CORIN: variants seen among roughly 807,000 people sequenced by gnomAD.
CORIN encodes corin, serine peptidase.
A neutral mutation model predicts 125.3 loss-of-function variants in CORIN; 117 were observed. The ratio of observed to expected loss-of-function variants is 0.93; its 90% confidence interval spans 0.80 to 1.09. The LOEUF is 1.09. Among genes scored for constraint, CORIN ranks in the 50% least tolerant of loss-of-function variants. The pLI, the probability that CORIN is intolerant of heterozygous loss-of-function variation, is 0.00. For synonymous variants in CORIN, 450 were observed against 466.4 expected (o/e 0.96, Z 0.45); for missense variants, 1,253 against 1,306.7 (o/e 0.96, Z 0.63).
chr4:47,742,896 A>G (rs1046501114), intron 5 of CORIN, among the ~76,000 whole-genome samples: 6 of 152,258 alleles, frequency 3.9e-5, no homozygotes, highest in African/African-American at 1.2e-4. Context: ...TCTTAATTCT[A>G]TTCTGTCAAT....
At chr4:47,670,755 G>A (rs1465958923) in intron 10 of CORIN, among the ~76,000 whole-genome samples, 2 of 152,154 alleles carry the variant, frequency 1.3e-5, no homozygotes, top group Non-Finnish European at 2.9e-5. Flanking sequence ...CCACAAGGGA[G>A]AAGTGATGGA....
intron 5 of CORIN, among the ~76,000 whole-genome samples, chr4:47,743,803 C>T (rs1454168014): frequency 1.3e-5 from 2 of 151,812 alleles, no homozygotes; most frequent in South Asian, 2.1e-4. Flanking sequence ...GAGAATTGCT[C>T]GAACCCGAAA....
rs779914032 is a variant in CORIN, at chr4:47,786,819, C to G, written c.315G>C (p.Gln105His). The G allele has an allele frequency of 5.6e-6, 9 of 1,613,880 alleles. No individual in the cohort carries two copies. Among genetic ancestry groups the G allele is most frequent in the Admixed American group, 5.0e-5 (3 of 59,996 alleles). The change falls in exon 3 of 22, where the codon CAG (glutamine) becomes CAC (histidine). Residue 105 changes from glutamine to histidine, a missense_variant. Coordinates refer to ENST00000273857, the MANE Select transcript of CORIN (RefSeq NM_006587.4). The stretch of plus-strand genomic sequence containing the variant: ...GATGTGCAGTAGACACCACAGTGCT[C>G]TGGTTATAAATTGTATTTGTAAGAA... ...DVILTNTIYN[Q>H]STVVSTAHPD... is the part of the protein sequence containing the mutation.
chr4:47,665,386 T>C, intron 10 of CORIN, 123 bp from the exon 11 acceptor site: 1 of 675,956 alleles, frequency 1.5e-6, no homozygotes, highest in Non-Finnish European at 2.5e-6. Flanking sequence ...AGAATGCCAG[T>C]AGTATATAAC....
chr4:47,791,526 C>T (rs62299253), intron 2 of CORIN, among the ~76,000 whole-genome samples: 13,363 of 152,210 alleles, frequency 0.088, 735 homozygotes, highest in East Asian at 0.27. Flanking sequence ...TAGGCATCAA[C>T]TGAGTTAACC....
At chr4:47,721,558 T>C (rs1369386768) in intron 5 of CORIN, among the ~76,000 whole-genome samples, 4 of 152,182 alleles carry the variant, frequency 2.6e-5, no homozygotes, top group Non-Finnish European at 4.4e-5. Flanking sequence ...CGTGAGCCAC[T>C]GCACCCAGCC....
intron 16 of CORIN, among the ~76,000 whole-genome samples, chr4:47,627,664 A>C (rs530370260): frequency 1.3e-5 from 2 of 152,286 alleles, no homozygotes; most frequent in Non-Finnish European, 2.9e-5. Flanking sequence ...GCAGAGGCAA[A>C]GTGAGATGGA....
At chr4:47,803,616 T>G (rs1296311920) in intron 2 of CORIN, among the ~76,000 whole-genome samples, 1 of 152,220 alleles carries the variant, frequency 6.6e-6, no homozygotes, top group Admixed American at 6.5e-5. Flanking sequence ...AAGAACAGTC[T>G]CTTCAATAAA....
intron 5 of CORIN, among the ~76,000 whole-genome samples, chr4:47,713,176 G>C (rs1325552003): frequency 1.3e-5 from 2 of 152,172 alleles, no homozygotes; most frequent in Non-Finnish European, 2.9e-5. Flanking sequence ...TAGGTGTGGA[G>C]AAAAATCTGC....
intron 13 of CORIN, among the ~76,000 whole-genome samples, chr4:47,646,757 A>G (rs1723505600): frequency 6.6e-6 from 1 of 152,224 alleles, no homozygotes; most frequent in Admixed American, 6.5e-5. Context: ...CTCTCAGGAA[A>G]ATATAATTTA....
At chr4:47,835,631 G>A (rs1400758527) in intron 1 of CORIN, among the ~76,000 whole-genome samples, 4 of 152,220 alleles carry the variant, frequency 2.6e-5, no homozygotes, top group African/African-American at 9.6e-5. Flanking sequence ...GCCCCCAACA[G>A]TGGGGGAGGT....
intron 2 of CORIN, among the ~76,000 whole-genome samples, chr4:47,794,061 CAGAA>C (rs1731189893): frequency 6.6e-6 from 1 of 152,104 alleles, no homozygotes; most frequent in African/African-American, 2.4e-5. Context: ...GAATCTGCAA[CAGAA>C]AGCCAGATTT....
rs1252479545 is a variant in CORIN at position 47,725,403 on chromosome 4, T to C, written c.799+18999A>G. 2.6e-5 allele frequency among the ~76,000 whole-genome samples: 4 copies of C among 152,204 alleles called. No individual in the cohort carries two copies. In the South Asian group the frequency reaches 6.2e-4, roughly 24 times the overall value. ...TCAAGCCATACTAATCAAAACAATG[T>C]GGTTTGGTTAAGGAATGAGCACATA... On this transcript the variant is annotated intron_variant, in intron 5 of 21. Coordinates refer to ENST00000273857, the MANE Select transcript of CORIN (RefSeq NM_006587.4).
chr4:47,721,805 T>C (rs372285433), intron 5 of CORIN, among the ~76,000 whole-genome samples: 8 of 152,192 alleles, frequency 5.3e-5, no homozygotes, highest in African/African-American at 1.4e-4. Context: ...TACATACTAT[T>C]ATGATAACAC....
intron 5 of CORIN, among the ~76,000 whole-genome samples, chr4:47,737,879 C>A (rs924383696): frequency 1.2e-4 from 19 of 152,040 alleles, no homozygotes; most frequent in African/African-American, 4.6e-4. Flanking sequence ...GCCCCATTAC[C>A]AAAGAATTGT....
At chr4:47,827,444 G>A (rs1023163897) in intron 1 of CORIN, among the ~76,000 whole-genome samples, 2 of 152,178 alleles carry the variant, frequency 1.3e-5, no homozygotes, top group Non-Finnish European at 2.9e-5. Context: ...AGAAGAAAAT[G>A]GAGCCTAAGG....
chr4:47,815,791 T>G (rs1407854303), intron 1 of CORIN, among the ~76,000 whole-genome samples: 1 of 152,174 alleles, frequency 6.6e-6, no homozygotes, highest in African/African-American at 2.4e-5. Context: ...ATTAAATATT[T>G]GATATTTATT....
intron 2 of CORIN, among the ~76,000 whole-genome samples, chr4:47,796,242 A>T (rs900559466): frequency 2.6e-5 from 4 of 152,068 alleles, no homozygotes; most frequent in Admixed American, 6.6e-5. Context: ...AATTTTAAAA[A>T]TGTGGCATAC....
At chr4:47,764,561 T>C (rs1729619296) in intron 3 of CORIN, among the ~76,000 whole-genome samples, 1 of 152,228 alleles carries the variant, frequency 6.6e-6, no homozygotes, top group South Asian at 2.1e-4. Context: ...CAAGACCCAG[T>C]TACATGAAAT....
Sources: allele counts gnomAD v4.1 joint callset (sites outside exome capture counted in the v4.1 genomes callset), GRCh38; gene constraint gnomAD v4.1.1; transcripts MANE v1.5; gene names NCBI Gene and HGNC (gene_info 2026-07-23, HGNC 2026-07-21).